CSGALNACT1: variants seen among roughly 807,000 people sequenced by gnomAD.
The protein encoded by CSGALNACT1 is beta4GalNAcT-1.
Under a neutral mutation model 51.0 loss-of-function variants are expected in CSGALNACT1, and 52 were observed. The observed-to-expected ratio is 1.02, with a 90% CI of 0.82 to 1.29. The LOEUF (loss-of-function observed/expected upper bound fraction) is 1.29, where lower values mean the gene tolerates loss of function less well. Ranked by LOEUF, CSGALNACT1 falls within the 50% of genes most tolerant of loss-of-function variation. CSGALNACT1 has a pLI of 0.00. For missense variants in CSGALNACT1, 935 were observed against 679.2 expected, an observed-to-expected ratio of 1.38 and a Z score of -4.19; for synonymous variants, 341 against 254.4, an observed-to-expected ratio of 1.34 and a Z score of -3.24.
intron 3 of CSGALNACT1, among the ~76,000 whole-genome samples, chr8:19,526,075 A>C (rs1442595639): frequency 6.6e-6 from 1 of 152,234 alleles, no homozygotes; most frequent in African/African-American, 2.4e-5. Context: ...AAAGTTAAAA[A>C]AGGAAAAGGC....
intron 1 of CSGALNACT1, among the ~76,000 whole-genome samples, chr8:19,680,577 CCCA>C (rs1589475791): frequency 9.6e-6 from 1 of 104,632 alleles, no homozygotes; most frequent in East Asian, 3.4e-4. Flanking sequence ...CCCCCCCCCC[CCCA>C]CAAAAAAAGA....
At chr8:19,464,952 A>G (rs2066341919) in intron 4 of CSGALNACT1, among the ~76,000 whole-genome samples, 1 of 152,300 alleles carries the variant, frequency 6.6e-6, no homozygotes, top group African/African-American at 2.4e-5. Flanking sequence ...AAAGTTAAAC[A>G]TAGAAATACC....
At position 19,467,164 on chromosome 8, in the gene CSGALNACT1, G is replaced by T. The variant is rs2066897251; in HGVS notation, c.635-8522C>A. ...AGACGGAGTCTCACTCTGTCACCCA[G>T]GCTGGAGTGCAGTGGTGCGATCTCG... On this transcript the variant is annotated intron_variant, in intron 4 of 9. Coordinates refer to ENST00000454498, the Ensembl canonical transcript of CSGALNACT1. Among the ~76,000 whole-genome samples the T allele has an allele frequency of 2.2e-5, 3 of 137,964 alleles. No individual in the cohort carries two copies. The South Asian group carries it at 7.3e-4, about 34-fold the overall frequency. 90.5% of individuals were successfully genotyped at this position (137,964 alleles called of 152,430 possible). A position where few individuals can be genotyped will look rare whatever the true frequency, so the allele number is the denominator to read the frequency against.
intron 8 of CSGALNACT1, among the ~76,000 whole-genome samples, chr8:19,415,796 A>G (rs139608645): frequency 1.2e-4 from 19 of 152,368 alleles, no homozygotes; most frequent in Middle Eastern, 3.4e-3. Flanking sequence ...AATAAATCCT[A>G]TATCCTGTTT....
intron 2 of CSGALNACT1, among the ~76,000 whole-genome samples, chr8:19,599,094 G>A (rs1055396694): frequency 6.6e-6 from 1 of 151,940 alleles, no homozygotes; most frequent in Admixed American, 6.6e-5. Context: ...GGCCAGAGGT[G>A]GGAGACAGGA....
intron 3 of CSGALNACT1, among the ~76,000 whole-genome samples, chr8:19,509,310 C>G (rs901612198): frequency 2.6e-5 from 4 of 152,016 alleles, no homozygotes; most frequent in African/African-American, 9.7e-5. Flanking sequence ...TTCGGTAGCA[C>G]AAAACATCAT....
chr8:19,493,825 A>C (rs112418509), intron 4 of CSGALNACT1, among the ~76,000 whole-genome samples: 1 of 151,664 alleles, frequency 6.6e-6, no homozygotes, highest in African/African-American at 2.4e-5. Flanking sequence ...TTTTAAGTTA[A>C]TGTGTGTTTT....
chr8:19,599,067 G>A (rs1459767715), intron 2 of CSGALNACT1, among the ~76,000 whole-genome samples: 1 of 152,024 alleles, frequency 6.6e-6, no homozygotes, highest in Non-Finnish European at 1.5e-5. Context: ...TGACAGCTGG[G>A]GAGGAGTGAG....
intron 3 of CSGALNACT1, among the ~76,000 whole-genome samples, chr8:19,529,565 G>A (rs537384716): frequency 2.0e-5 from 3 of 152,142 alleles, no homozygotes; most frequent in Non-Finnish European, 4.4e-5. Flanking sequence ...TAAATATCAG[G>A]AATAGTTATC....
intron 1 of CSGALNACT1, among the ~76,000 whole-genome samples, chr8:19,614,960 T>C (rs2154155133): frequency 6.6e-6 from 1 of 152,328 alleles, no homozygotes. Context: ...TATTTCAATT[T>C]TAAACAAGTG....
At position 19,439,786 on chromosome 8, in the gene CSGALNACT1, C is replaced by T. The variant is rs763095561; in HGVS notation, c.953+44G>A. The T allele has an allele frequency of 2.7e-6, 4 of 1,457,460 alleles. No homozygotes were observed. The African/African-American group carries it at 4.2e-5, about 15-fold the overall frequency. 90.3% of individuals were successfully genotyped at this position (1,457,460 alleles called of 1,614,324 possible). On this transcript the variant is annotated intron_variant, in intron 6 of 9. Coordinates refer to ENST00000454498, the Ensembl canonical transcript of CSGALNACT1. ...TCAGCCTTGGATGTGTGCTTCTGAG[C>T]TCAGTTACCAGGATTCCTTATGACA...
At chr8:19,419,093 G>T (rs562980606) in intron 7 of CSGALNACT1, among the ~76,000 whole-genome samples, 1 of 152,014 alleles carries the variant, frequency 6.6e-6, no homozygotes, top group Non-Finnish European at 1.5e-5. Context: ...TGATCCACCC[G>T]CCTCGGCCTC....
At chr8:19,425,108 C>G (rs544789477) in intron 6 of CSGALNACT1, among the ~76,000 whole-genome samples, 2 of 152,072 alleles carry the variant, frequency 1.3e-5, no homozygotes, top group African/African-American at 4.8e-5. Context: ...TTTGGGAGGC[C>G]GAGACAGGCA....
intron 1 of CSGALNACT1, among the ~76,000 whole-genome samples, chr8:19,711,212 G>C (rs920698451): frequency 4.6e-5 from 7 of 152,166 alleles, no homozygotes; most frequent in African/African-American, 1.7e-4. Context: ...AACAGTGATA[G>C]TCGAGTTGTG....
At chr8:19,435,535 T>C (rs1001757794) in intron 6 of CSGALNACT1, among the ~76,000 whole-genome samples, 1 of 151,260 alleles carries the variant, frequency 6.6e-6, no homozygotes, top group Non-Finnish European at 1.5e-5. Context: ...CAAGCGAGTA[T>C]CTAAAGCAGC....
chr8:19,548,741 A>T (rs75312694), intron 3 of CSGALNACT1, among the ~76,000 whole-genome samples: 2,030 of 152,336 alleles, frequency 0.013, 43 homozygotes, highest in South Asian at 0.058. Context: ...AGTCCAAATG[A>T]TCAAAAGACA....
At chr8:19,495,775 T>C (rs2075341493) in intron 4 of CSGALNACT1, among the ~76,000 whole-genome samples, 1 of 152,170 alleles carries the variant, frequency 6.6e-6, no homozygotes, top group Non-Finnish European at 1.5e-5. Flanking sequence ...ACCAAGGGTT[T>C]GTGTGAGGTG....
intron 4 of CSGALNACT1, among the ~76,000 whole-genome samples, chr8:19,498,215 C>G (rs1464381832): frequency 6.6e-6 from 1 of 152,184 alleles, no homozygotes; most frequent in Non-Finnish European, 1.5e-5. Context: ...TCTTTCAAGC[C>G]TGAGACCTGG....
intron 1 of CSGALNACT1, among the ~76,000 whole-genome samples, chr8:19,715,343 A>G (rs1377091140): frequency 6.6e-6 from 1 of 152,170 alleles, no homozygotes; most frequent in Non-Finnish European, 1.5e-5. Flanking sequence ...TCAGTACTCA[A>G]TATTTAGCTC....
Sources: allele counts gnomAD v4.1 joint callset (sites outside exome capture counted in the v4.1 genomes callset), GRCh38; gene constraint gnomAD v4.1.1; transcripts MANE v1.5; gene names NCBI Gene and HGNC (gene_info 2026-07-23, HGNC 2026-07-21).